Variants in CLNK observed in about 807,000 individuals in gnomAD.
CLNK encodes the protein cytokine dependent hematopoietic cell linker.
A neutral mutation model predicts 68.6 loss-of-function variants in CLNK; 74 were observed. That is an observed-to-expected ratio of 1.08 (90% CI 0.89 to 1.31). The LOEUF is 1.31. CLNK is among the 50% of genes most tolerant of loss of function. The pLI is 0.00. For synonymous variants in CLNK, 198 were observed against 172.2 expected, an observed-to-expected ratio of 1.15 and a Z score of -1.17; for missense variants, 553 against 515.3, an observed-to-expected ratio of 1.07 and a Z score of -0.71.
intron 1 of CLNK, among the ~76,000 whole-genome samples, chr4:10,670,033 G>C (rs1724568017): frequency 6.6e-6 from 1 of 152,164 alleles, no homozygotes; most frequent in Admixed American, 6.5e-5. Context: ...CTAGCCGTGT[G>C]GCCTTGAAGG....
At chr4:10,731,504 G>T in the CLNK span, among the ~76,000 whole-genome samples, 2 of 152,102 alleles carry the variant, frequency 1.3e-5, no homozygotes, top group Non-Finnish European at 2.9e-5. Flanking sequence ...ACTTATGAAT[G>T]TTACTTCAAA....
upstream of CLNK, among the ~76,000 whole-genome samples, chr4:10,687,957 G>T (rs1725329628): frequency 6.6e-6 from 1 of 152,154 alleles, no homozygotes; most frequent in South Asian, 2.1e-4. Context: ...TTGCCAACTA[G>T]GTTACAGTTA....
chr4:10,631,709 C>T lies in CLNK; in HGVS notation c.12-33660G>A, dbSNP rs78935221. Among the ~76,000 whole-genome samples the T allele has an allele frequency of 2.3e-3, 356 of 152,264 alleles. 4 individuals carry two copies. The East Asian group carries it at 0.059, about 25-fold the overall frequency. ...AAGATATAGAGGAGAGAAAGGGAAA[C>T]GAACAAGTGAAAGGGAAAATATTTC... On this transcript the variant is annotated intron_variant, in intron 2 of 18. Coordinates refer to ENST00000226951, the MANE Select transcript of CLNK (RefSeq NM_052964.4).
At chr4:10,666,509 T>A (rs575048093) in intron 2 of CLNK, among the ~76,000 whole-genome samples, 1 of 152,158 alleles carries the variant, frequency 6.6e-6, no homozygotes, top group African/African-American at 2.4e-5. Context: ...AAAGGAATAA[T>A]GGAAGGAGCA....
rs1204558358 is a variant in CLNK at position 10,558,464 on chromosome 4, A to G, written c.400-12T>C. ...ATGGGTTTGTCCACCTGTACAAGAC[A>G]ATGAGGCACCATTATCTCTTCAGTT... On this transcript the variant is annotated splice_polypyrimidine_tract_variant and intron_variant, in intron 7 of 18. Transcript: ENST00000226951. The G allele has an allele frequency of 6.2e-7, 1 of 1,612,686 alleles. No homozygotes were observed. Among genetic ancestry groups the G allele is most frequent in the South Asian group, 1.1e-5 (1 of 90,954 alleles).
chr4:10,727,056 T>C, the CLNK span, among the ~76,000 whole-genome samples: 1 of 152,160 alleles, frequency 6.6e-6, no homozygotes, highest in Non-Finnish European at 1.5e-5. Flanking sequence ...TTCCTTTATG[T>C]AGTGGTCAGT....
At chr4:10,610,057 TTTTTTTTTTTTTTTTTTG>T in intron 2 of CLNK, among the ~76,000 whole-genome samples, 2 of 121,816 alleles carry the variant, frequency 1.6e-5, no homozygotes, top group African/African-American at 3.3e-5. Context: ...TTTTTTTTTT[TTTTTTTTTTTTTTTTTTG>T]AGACGGAGTC....
At chr4:10,614,753 A>G (rs1301210954) in intron 2 of CLNK, among the ~76,000 whole-genome samples, 1 of 152,250 alleles carries the variant, frequency 6.6e-6, no homozygotes, top group Non-Finnish European at 1.5e-5. Flanking sequence ...ACAGCATGTC[A>G]CAGAATTGTT....
At chr4:10,538,581 T>C (rs1416470408) in intron 11 of CLNK, among the ~76,000 whole-genome samples, 1 of 152,232 alleles carries the variant, frequency 6.6e-6, no homozygotes, top group Non-Finnish European at 1.5e-5. Flanking sequence ...GATGGTCTGT[T>C]ATTATTGTTG....
the CLNK span, among the ~76,000 whole-genome samples, chr4:10,725,007 A>G: frequency 6.6e-6 from 1 of 152,136 alleles, no homozygotes; most frequent in Non-Finnish European, 1.5e-5. Flanking sequence ...ACACCTGTGA[A>G]GAAGGGGTGA....
At chr4:10,699,724 G>A in the CLNK span, among the ~76,000 whole-genome samples, 1 of 151,234 alleles carries the variant, frequency 6.6e-6, no homozygotes, top group Non-Finnish European at 1.5e-5. Flanking sequence ...ATGTGGGCCA[G>A]GCTGCTCTTG....
intron 2 of CLNK, among the ~76,000 whole-genome samples, chr4:10,667,133 T>C (rs912502549): frequency 2.0e-5 from 3 of 152,178 alleles, no homozygotes; most frequent in Admixed American, 1.3e-4. Context: ...AGATGTAAAA[T>C]GACAGGGCAA....
intron 1 of CLNK, among the ~76,000 whole-genome samples, chr4:10,675,732 T>C (rs763123711): frequency 6.6e-6 from 1 of 152,146 alleles, no homozygotes; most frequent in Non-Finnish European, 1.5e-5. Context: ...TAATAATATC[T>C]ACAAGATACC....
the CLNK span, among the ~76,000 whole-genome samples, chr4:10,722,875 C>T: frequency 1.6e-3 from 248 of 152,278 alleles, no homozygotes; most frequent in Non-Finnish European, 3.1e-3. Context: ...CATGGCAAAA[C>T]ACCGTCTCTA....
chr4:10,529,491 G>A (rs1307256140), intron 12 of CLNK, among the ~76,000 whole-genome samples: 1 of 152,182 alleles, frequency 6.6e-6, no homozygotes, highest in East Asian at 1.9e-4. Context: ...GGCATTGTAT[G>A]CCTCCCTCTG....
Position 10,598,052 on chromosome 4 carries a change from G to A in CLNK, c.12-3C>T. 1.3e-6 allele frequency: 2 copies of A among 1,566,488 alleles called. No individual in the cohort carries two copies. The highest frequency in any genetic ancestry group is 1.4e-5 in the African/African-American group (1 of 73,956). On this transcript the variant is annotated splice_polypyrimidine_tract_variant and splice_region_variant and intron_variant, in intron 2 of 18. Transcript: ENST00000226951. Reference sequence around the variant, plus strand: ...CTTTAGTTGTCTTTCTATTGCCCCTGGGATGAAAGAAAATAAATTATAGCT... The same window carrying A: ...CTTTAGTTGTCTTTCTATTGCCCCTAGGATGAAAGAAAATAAATTATAGCT...
chr4:10,587,501 C>A (rs1721012900), intron 3 of CLNK, among the ~76,000 whole-genome samples: 1 of 152,196 alleles, frequency 6.6e-6, no homozygotes, highest in Admixed American at 6.5e-5. Flanking sequence ...ATTAATTGAA[C>A]ATCGCAACAC....
At chr4:10,667,953 C>G in intron 1 of CLNK, 42 bp from the exon 2 acceptor site, 2 of 1,149,636 alleles carry the variant, frequency 1.7e-6, no homozygotes, top group South Asian at 3.0e-5. Flanking sequence ...ACTTCCACAT[C>G]ATGTTTTAAT....
At position 10,597,965 on chromosome 4, in the gene CLNK, T is replaced by A; in HGVS notation, c.83+13A>T. 1 of 1,542,684 alleles carries A rather than the reference T, an allele frequency of 6.5e-7. No homozygotes were observed. Among genetic ancestry groups the A allele is most frequent in the Non-Finnish European group, 8.8e-7 (1 of 1,134,166 alleles). On this transcript the variant is annotated intron_variant, in intron 3 of 18. Transcript: ENST00000226951. ...TTTCACTCCTCTATTAATAAACAAG[T>A]AAATATTCTGACCTGTTTTTTGGCA...
Sources: gnomAD v4.1 joint callset for allele counts (sites outside exome capture counted in the v4.1 genomes callset) on GRCh38, gnomAD v4.1.1 for gene constraint, MANE v1.5 for transcripts, NCBI Gene and HGNC (gene_info 2026-07-23, HGNC 2026-07-21) for gene names.